The following NLGN1 variants were observed in gnomAD, a reference collection of about 807,000 sequenced individuals.
NLGN1 encodes the protein neuroligin-1.
NLGN1 carries 12 observed loss-of-function variants against 65.5 expected under a neutral mutation model. That is an observed-to-expected ratio of 0.18 (90% CI 0.12 to 0.30). The LOEUF (loss-of-function observed/expected upper bound fraction) is 0.30, where lower values mean the gene tolerates loss of function less well. Ranked by LOEUF, NLGN1 falls within the 10% of genes least tolerant of loss-of-function variation. The pLI, the probability that NLGN1 is intolerant of heterozygous loss-of-function variation, is 1.00. For missense variants in NLGN1, 750 were observed against 1,007.1 expected, an observed-to-expected ratio of 0.74 and a Z score of 3.46; for synonymous variants, 350 against 359.5, an observed-to-expected ratio of 0.97 and a Z score of 0.30.
chr3:174,084,999 C>G (rs1031042678), intron 4 of NLGN1, among the ~76,000 whole-genome samples: 1 of 151,992 alleles, frequency 6.6e-6, no homozygotes, highest in Non-Finnish European at 1.5e-5. Flanking sequence ...CATCACCAAA[C>G]TAGCGAAAAT....
intron 2 of NLGN1, among the ~76,000 whole-genome samples, chr3:173,441,127 C>T (rs1719112186): frequency 1.3e-5 from 2 of 152,232 alleles, no homozygotes; most frequent in Non-Finnish European, 2.9e-5. Flanking sequence ...CTCCTAACCT[C>T]TCTCAGCCTT....
chr3:173,782,443 T>C (rs1781322933), intron 3 of NLGN1, among the ~76,000 whole-genome samples: 1 of 152,212 alleles, frequency 6.6e-6, no homozygotes, highest in South Asian at 2.1e-4. Flanking sequence ...TGTGCATGTA[T>C]GTGTGTATGT....
intron 3 of NLGN1, among the ~76,000 whole-genome samples, chr3:173,766,452 T>TTAG (rs1778804831): frequency 6.6e-6 from 1 of 152,060 alleles, no homozygotes; most frequent in African/African-American, 2.4e-5. Flanking sequence ...TGTTCTCCTA[T>TTAG]TAGTAGTAGT....
chr3:173,612,639 C>T (rs1752481411), intron 3 of NLGN1, among the ~76,000 whole-genome samples: 1 of 151,962 alleles, frequency 6.6e-6, no homozygotes, highest in Non-Finnish European at 1.5e-5. Context: ...GACTTAGGGC[C>T]CTTTCTAATC....
intron 4 of NLGN1, among the ~76,000 whole-genome samples, chr3:173,833,692 A>G (rs1723041571): frequency 6.6e-6 from 1 of 151,806 alleles, no homozygotes; most frequent in African/African-American, 2.4e-5. Context: ...CTAATTTTGT[A>G]TCTTTTGTAG....
At chr3:173,425,153 GA>G (rs1287129233) in intron 1 of NLGN1, among the ~76,000 whole-genome samples, 1 of 152,182 alleles carries the variant, frequency 6.6e-6, no homozygotes, top group African/African-American at 2.4e-5. Flanking sequence ...GATCTTGTGA[GA>G]ACTCCTTTAC....
chr3:174,057,499 A>G (rs1160228238), intron 4 of NLGN1: 1 of 152,120 alleles, frequency 6.6e-6, no homozygotes, highest in Non-Finnish European at 1.5e-5. Flanking sequence ...TGGGGCATAG[A>G]AATGAGTTGC....
At chr3:174,036,292 T>C (rs57623353) in intron 4 of NLGN1, among the ~76,000 whole-genome samples, 288 of 152,328 alleles carry the variant, frequency 1.9e-3, no homozygotes, top group African/African-American at 6.7e-3. Context: ...ACTGATTATG[T>C]GATTTAGCAA....
At chr3:173,788,008 A>G (rs1485935855) in intron 3 of NLGN1, among the ~76,000 whole-genome samples, 2 of 152,172 alleles carry the variant, frequency 1.3e-5, no homozygotes, top group African/African-American at 2.4e-5. Context: ...AACTTCATCC[A>G]GAATCTCTTT....
chr3:174,055,527 G>C (rs1026354150), intron 4 of NLGN1, among the ~76,000 whole-genome samples: 1 of 151,836 alleles, frequency 6.6e-6, no homozygotes, highest in Non-Finnish European at 1.5e-5. Context: ...ATCTGGAGAG[G>C]GAGGCATTTA....
intron 3 of NLGN1, among the ~76,000 whole-genome samples, chr3:173,637,150 T>C (rs1402959837): frequency 6.6e-6 from 1 of 152,142 alleles, no homozygotes; most frequent in African/African-American, 2.4e-5. Flanking sequence ...AAAAACTTGG[T>C]TGTATAGGGA....
At chr3:173,957,512 A>G (rs531735861) in intron 4 of NLGN1, among the ~76,000 whole-genome samples, 4 of 152,320 alleles carry the variant, frequency 2.6e-5, no homozygotes, top group East Asian at 1.9e-4. Flanking sequence ...CCCTTCTTGA[A>G]GAACCTGAGA....
At chr3:173,701,050 A>G (rs939563637) in intron 3 of NLGN1, among the ~76,000 whole-genome samples, 3 of 152,044 alleles carry the variant, frequency 2.0e-5, no homozygotes, top group South Asian at 4.2e-4. Flanking sequence ...GCGTGAACCC[A>G]GGAGGTGGAG....
chr3:174,053,188 A>G lies in NLGN1; in HGVS notation c.647-222127A>G, dbSNP rs116488469. ...TTTCTTGCCTTTAAAACTTACTATC[A>G]GGTGTTTCGGGGCCAATCTCTAAAT... On this transcript the variant is annotated intron_variant, in intron 4 of 6. Coordinates refer to ENST00000457714, the Ensembl canonical transcript of NLGN1. Among the ~76,000 whole-genome samples the G allele has an allele frequency of 6.3e-3, 952 of 152,006 alleles. 23 individuals carry two copies. Among genetic ancestry groups the G allele is most frequent in the East Asian group, 0.038 (198 of 5,148 alleles).
chr3:174,265,308 A>C (rs1747828907), intron 4 of NLGN1, among the ~76,000 whole-genome samples: 1 of 151,476 alleles, frequency 6.6e-6, no homozygotes, highest in African/African-American at 2.4e-5. Flanking sequence ...TTGATCTCAG[A>C]CTGCTGTGCT....
chr3:173,586,959 T>C (rs1226401741), intron 2 of NLGN1, among the ~76,000 whole-genome samples: 1 of 152,180 alleles, frequency 6.6e-6, no homozygotes, highest in East Asian at 1.9e-4. Flanking sequence ...TATCATTAAG[T>C]GGTAATAGCA....
chr3:173,562,724 A>C (rs1244736853), intron 2 of NLGN1, among the ~76,000 whole-genome samples: 3 of 152,166 alleles, frequency 2.0e-5, no homozygotes, highest in African/African-American at 7.2e-5. Context: ...TTAAGATACA[A>C]CATTCAACTG....
intron 2 of NLGN1, among the ~76,000 whole-genome samples, chr3:173,462,002 C>T (rs1401091705): frequency 6.6e-6 from 1 of 152,102 alleles, no homozygotes; most frequent in Non-Finnish European, 1.5e-5. Flanking sequence ...GGTGAATGAA[C>T]ATTTTCTATA....
At chr3:173,750,221 C>G (rs930365158) in intron 3 of NLGN1, among the ~76,000 whole-genome samples, 3 of 152,062 alleles carry the variant, frequency 2.0e-5, no homozygotes, top group African/African-American at 7.2e-5. Context: ...TAGCCCTGCT[C>G]ATTATTTTGG....
Sources: allele counts gnomAD v4.1 joint callset (sites outside exome capture counted in the v4.1 genomes callset), GRCh38; gene constraint gnomAD v4.1.1; transcripts MANE v1.5; gene names NCBI Gene and HGNC (gene_info 2026-07-23, HGNC 2026-07-21).